Variants in GLMN observed in about 807,000 individuals in gnomAD.
GLMN encodes glomulin, FKBP associated protein.
Under a neutral mutation model 87.8 loss-of-function variants are expected in GLMN, and 75 were observed. The observed-to-expected ratio is 0.85, with a 90% CI of 0.71 to 1.04. GLMN has a LOEUF of 1.04. GLMN is among the 50% of genes least tolerant of loss of function. GLMN has a pLI of 0.00. For missense variants in GLMN, 588 were observed against 658.8 expected (o/e 0.89, Z 1.18); for synonymous variants, 206 against 221.6 (o/e 0.93, Z 0.63).
chr1:92,255,173 A>G (rs1654055502), intron 16 of GLMN, among the ~76,000 whole-genome samples: 1 of 152,244 alleles, frequency 6.6e-6, no homozygotes, highest in Non-Finnish European at 1.5e-5. Context: ...AGGGCATTAC[A>G]TAATGGTAAA....
At chr1:92,253,933 A>G (rs1449790145) in intron 16 of GLMN, among the ~76,000 whole-genome samples, 1 of 152,224 alleles carries the variant, frequency 6.6e-6, no homozygotes, top group African/African-American at 2.4e-5. Flanking sequence ...GAACTGACAG[A>G]AGTAGGCTTC....
chr1:92,309,165 C>T, the GLMN span, among the ~76,000 whole-genome samples: 8 of 151,988 alleles, frequency 5.3e-5, no homozygotes, highest in East Asian at 7.7e-4. Context: ...TCCTTTGTGC[C>T]GGGCGTGGTG....
Position 92,297,529 on chromosome 1 carries a change from G to T in GLMN, c.40C>A (p.Gln14Lys). 1 of 1,581,764 alleles carries T rather than the reference G, an allele frequency of 6.3e-7. No individual in the cohort carries two copies. The highest frequency in any genetic ancestry group is 8.5e-7 in the Non-Finnish European group (1 of 1,170,462). The change falls in exon 3 of 19, where the codon CAA becomes AAA. Residue 14 changes from glutamine to lysine, a missense_variant and splice_region_variant. Coordinates refer to ENST00000370360, the MANE Select transcript of GLMN (RefSeq NM_053274.3). ...EELQSIIKRCQILEEQDFKEE... is the reference protein window; with the variant it reads ...EELQSIIKRCKILEEQDFKEE... ...TTAAAGTCTTGCTCTTCTAGGATTT[G>T]CTGGCAAAAAAAAAAAAAACCCAAA...
At chr1:92,278,313 A>G (rs1647544921) in intron 7 of GLMN, among the ~76,000 whole-genome samples, 1 of 152,166 alleles carries the variant, frequency 6.6e-6, no homozygotes, top group African/African-American at 2.4e-5. Context: ...ACTGGTAACA[A>G]TGAAGAGCCC....
the GLMN span, among the ~76,000 whole-genome samples, chr1:92,349,091 T>A: frequency 1.3e-5 from 2 of 152,246 alleles, no homozygotes; most frequent in Admixed American, 6.5e-5. Flanking sequence ...ATGTCTTTTT[T>A]AAAAATAATT....
At chr1:92,339,773 C>T in the GLMN span, among the ~76,000 whole-genome samples, 1 of 152,126 alleles carries the variant, frequency 6.6e-6, no homozygotes. Flanking sequence ...CCCAGCACTG[C>T]AGATATGAGG....
intron 16 of GLMN, among the ~76,000 whole-genome samples, chr1:92,262,200 C>A (rs1008417608): frequency 2.0e-5 from 3 of 151,894 alleles, no homozygotes; most frequent in Non-Finnish European, 2.9e-5. Flanking sequence ...TAAAAAAAAA[C>A]CAATTAACAA....
chr1:92,253,231 T>C (rs190650468), intron 16 of GLMN, among the ~76,000 whole-genome samples: 58 of 152,228 alleles, frequency 3.8e-4, no homozygotes, highest in African/African-American at 1.3e-3. Flanking sequence ...CTCCTCTCTC[T>C]GGGCAGGGCA....
chr1:92,247,806 A>C (rs1355530012), intron 17 of GLMN, 72 bp downstream of exon 17: 2 of 750,864 alleles, frequency 2.7e-6, no homozygotes, highest in African/African-American at 3.4e-5. Flanking sequence ...AAGTTCTTAA[A>C]TTTGAATATG....
At chr1:92,300,419 G>A (rs1262097301), upstream of GLMN, among the ~76,000 whole-genome samples, 4 of 152,068 alleles carry the variant, frequency 2.6e-5, no homozygotes, top group African/African-American at 9.7e-5. Context: ...TCTACTCCAG[G>A]CTTTAAGAAA....
chr1:92,263,758 A>G, intron 14 of GLMN, 26 bp from the exon 15 acceptor site: 1 of 1,065,434 alleles, frequency 9.4e-7, no homozygotes, highest in South Asian at 1.2e-5. Flanking sequence ...AAAATTGAGA[A>G]AGCTTTATAA....
At chr1:92,298,764 G>T (rs950855518) in intron 1 of GLMN, among the ~76,000 whole-genome samples, 161 bp downstream of exon 1, 16 of 152,084 alleles carry the variant, frequency 1.1e-4, no homozygotes, top group African/African-American at 3.6e-4. Context: ...GCGCGCGTGC[G>T]GGCTGCATCA....
Position 92,262,886 on chromosome 1 carries a change from T to C in GLMN, c.1450A>G (p.Lys484Glu). Reference protein sequence around the residue: ...SLNLLRYLVIKDNENDNQTGL... With the variant: ...SLNLLRYLVIEDNENDNQTGL... ...ACTTGATTGTCATTTTCATTATCTT[T>C]GATAACCAAATACCTCAATAAATTT... The change falls in exon 16 of 19, where the codon AAA becomes GAA. Residue 484 changes from lysine (K) to glutamate (E), a missense_variant. Transcript: ENST00000370360. 1 of 1,161,088 alleles carries C rather than the reference T, an allele frequency of 8.6e-7. No homozygotes were observed. Among genetic ancestry groups the C allele is most frequent in the Non-Finnish European group, 1.3e-6 (1 of 771,818 alleles). The allele number at this position is 1,161,088 out of a possible 1,614,324, so 71.9% of individuals were successfully genotyped here.
chr1:92,289,652 T>C (rs1246544948), intron 5 of GLMN, among the ~76,000 whole-genome samples: 1 of 152,218 alleles, frequency 6.6e-6, no homozygotes, highest in East Asian at 1.9e-4. Context: ...CCTCTTCCTA[T>C]GGATACTGTC....
At chr1:92,357,958 G>A in the GLMN span, among the ~76,000 whole-genome samples, 2 of 152,190 alleles carry the variant, frequency 1.3e-5, no homozygotes, top group Non-Finnish European at 2.9e-5. Flanking sequence ...ACAGGATCTC[G>A]CCCTGTTGCC....
At chr1:92,322,793 C>G in the GLMN span, among the ~76,000 whole-genome samples, 4 of 151,544 alleles carry the variant, frequency 2.6e-5, no homozygotes, top group Admixed American at 2.6e-4. Flanking sequence ...GGGAGAATCG[C>G]TTGAACCTAG....
chr1:92,368,095 G>A, the GLMN span, among the ~76,000 whole-genome samples: 2 of 152,182 alleles, frequency 1.3e-5, no homozygotes, highest in African/African-American at 4.8e-5. Context: ...CAGTGAGCAA[G>A]ACAATAGGGA....
the GLMN span, among the ~76,000 whole-genome samples, chr1:92,333,063 T>C: frequency 6.6e-6 from 1 of 152,164 alleles, no homozygotes; most frequent in Admixed American, 6.5e-5. Context: ...TTGCTAATTT[T>C]AATATTTTAA....
chr1:92,353,095 CA>C, the GLMN span, among the ~76,000 whole-genome samples: 1 of 152,134 alleles, frequency 6.6e-6, no homozygotes, highest in Non-Finnish European at 1.5e-5. Flanking sequence ...CATCAGTTGA[CA>C]AACATTTGGG....
Sources: gnomAD v4.1 joint callset for allele counts (sites outside exome capture counted in the v4.1 genomes callset) on GRCh38, gnomAD v4.1.1 for gene constraint, MANE v1.5 for transcripts, NCBI Gene and HGNC (gene_info 2026-07-23, HGNC 2026-07-21) for gene names.